The following CSMD2 variants were observed in gnomAD, a reference collection of about 807,000 sequenced individuals.
CSMD2 encodes the protein CUB and Sushi multiple domains 2, also known as CUB and sushi domain-containing protein 2.
Under a neutral mutation model 398.5 loss-of-function variants are expected in CSMD2, and 130 were observed. That is an observed-to-expected ratio of 0.33 (90% confidence interval 0.28 to 0.38). The LOEUF (loss-of-function observed/expected upper bound fraction) is 0.38. CSMD2 is among the 10% of genes least tolerant of loss of function. The pLI is 1.00. For synonymous variants in CSMD2, 1,828 were observed against 1,908.5 expected (o/e 0.96, Z 1.10); for missense variants, 3,829 against 4,764.9 (o/e 0.80, Z 5.78).
chr1:34,069,044 G>A (rs1655426885), intron 2 of CSMD2, among the ~76,000 whole-genome samples: 1 of 152,188 alleles, frequency 6.6e-6, no homozygotes, highest in South Asian at 2.1e-4. Flanking sequence ...GGTTTGACCA[G>A]TTCAGAGGAA....
intron 5 of CSMD2, among the ~76,000 whole-genome samples, chr1:33,878,709 A>ACACCTT (rs1641021318): frequency 6.6e-6 from 1 of 152,206 alleles, no homozygotes; most frequent in South Asian, 2.1e-4. Flanking sequence ...CACCTTAGGG[A>ACACCTT]GGCCTGAGGA....
At chr1:33,855,541 G>A (rs766228844) in intron 5 of CSMD2, among the ~76,000 whole-genome samples, 67 of 152,236 alleles carry the variant, frequency 4.4e-4, no homozygotes, top group Non-Finnish European at 9.0e-4. Flanking sequence ...ACTTTTATAT[G>A]ATGTCCTGAA....
chr1:33,790,801 A>AT (rs138386918), intron 11 of CSMD2, among the ~76,000 whole-genome samples: 1 of 148,448 alleles, frequency 6.7e-6, no homozygotes, highest in Non-Finnish European at 1.5e-5. Context: ...CATCTCTCTA[A>AT]TATCTATCTA....
At chr1:33,897,319 C>T (rs1642456536) in intron 5 of CSMD2, among the ~76,000 whole-genome samples, 1 of 152,182 alleles carries the variant, frequency 6.6e-6, no homozygotes, top group African/African-American at 2.4e-5. Context: ...AGATCTGGAT[C>T]AGACATGAAG....
At chr1:33,795,946 T>G (rs928425053) in intron 10 of CSMD2, among the ~76,000 whole-genome samples, 17 of 152,368 alleles carry the variant, frequency 1.1e-4, no homozygotes, top group Admixed American at 1.3e-4. Context: ...GTTGGCAAAC[T>G]TTTTCTGTAA....
At chr1:34,138,012 A>G (rs1308714673) in intron 1 of CSMD2, among the ~76,000 whole-genome samples, 1 of 152,238 alleles carries the variant, frequency 6.6e-6, no homozygotes, top group African/African-American at 2.4e-5. Flanking sequence ...AGGGGAAACC[A>G]GAATGATAAG....
chr1:33,853,901 T>G (rs567850777), intron 5 of CSMD2, among the ~76,000 whole-genome samples: 4 of 152,352 alleles, frequency 2.6e-5, no homozygotes, highest in African/African-American at 9.6e-5. Flanking sequence ...GGGAACCAGC[T>G]AACCTTAAAA....
chr1:33,669,589 C>T (rs1309780344), intron 25 of CSMD2, among the ~76,000 whole-genome samples: 1 of 152,214 alleles, frequency 6.6e-6, no homozygotes, highest in Non-Finnish European at 1.5e-5. Flanking sequence ...CTTCTCTCTG[C>T]CTGGAAGTTC....
At chr1:34,110,610 C>T (rs1010763181) in intron 1 of CSMD2, among the ~76,000 whole-genome samples, 5 of 151,962 alleles carry the variant, frequency 3.3e-5, no homozygotes, top group African/African-American at 1.2e-4. Context: ...CCTTAGCAAA[C>T]CAACACAGGA....
At chr1:33,546,631 T>C (rs1161993786) in intron 56 of CSMD2, among the ~76,000 whole-genome samples, 2 of 152,184 alleles carry the variant, frequency 1.3e-5, no homozygotes, top group Non-Finnish European at 2.9e-5. Context: ...CCTGAACTCT[T>C]GCAAGAGCCT....
At chr1:33,616,785 G>C in intron 39 of CSMD2, 121 bp downstream of exon 39, 1 of 732,056 alleles carries the variant, frequency 1.4e-6, no homozygotes, top group Non-Finnish European at 2.4e-6. Context: ...GACTGACTTG[G>C]AACAAATCCA....
intron 3 of CSMD2, among the ~76,000 whole-genome samples, chr1:34,006,163 T>C (rs1647047536): frequency 6.6e-6 from 1 of 152,162 alleles, no homozygotes. Context: ...ACTCACTCCA[T>C]CCTGAATCCC....
chr1:34,078,606 G>A (rs1178497593), intron 2 of CSMD2, among the ~76,000 whole-genome samples: 1 of 152,172 alleles, frequency 6.6e-6, no homozygotes, highest in African/African-American at 2.4e-5. Flanking sequence ...GAGGCTCAGA[G>A]AAACCAAACC....
intron 3 of CSMD2, among the ~76,000 whole-genome samples, chr1:33,974,171 C>G (rs1256299122): frequency 6.6e-6 from 1 of 152,204 alleles, no homozygotes; most frequent in Non-Finnish European, 1.5e-5. Flanking sequence ...ATTTCTCTCC[C>G]TTGGCAAACA....
intron 10 of CSMD2, among the ~76,000 whole-genome samples, chr1:33,803,781 C>CT (rs1655896674): frequency 6.6e-6 from 1 of 152,234 alleles, no homozygotes; most frequent in African/African-American, 2.4e-5. Context: ...GTATCCACCT[C>CT]TAAACTTCTC....
At chr1:33,812,632 C>T (rs1013848074) in intron 9 of CSMD2, among the ~76,000 whole-genome samples, 3 of 141,626 alleles carry the variant, frequency 2.1e-5, no homozygotes, top group Admixed American at 7.2e-5. Flanking sequence ...ATTTGCTGGT[C>T]GCTTAAGTCT....
In CSMD2 at chr1:33,624,702, G is replaced by T. The variant is rs559219214; in HGVS notation, c.5501-59C>A. 10 of 1,577,326 alleles carry T rather than the reference G, an allele frequency of 6.3e-6. No individual in the cohort carries two copies. The East Asian group carries it at 2.3e-4, about 36-fold the overall frequency. ...TGGCCTCCCGTGGGAGCCTTCCCAA[G>T]CTGACTCCTCCCTCATGGCCCCCAG... On this transcript the variant is annotated intron_variant, in intron 34 of 70. Coordinates refer to ENST00000373381, the MANE Select transcript of CSMD2 (RefSeq NM_001281956.2). This position sits in a 1 kb window ranked among gnomAD's most constrained non-coding sequence, Gnocchi z 4.7.
At chr1:33,972,446 A>G (rs1183550613) in intron 3 of CSMD2, among the ~76,000 whole-genome samples, 1 of 152,172 alleles carries the variant, frequency 6.6e-6, no homozygotes, top group African/African-American at 2.4e-5. Context: ...ATGGCAAAAG[A>G]GACTACAGAT....
At chr1:33,766,296 G>A (rs2149314755) in intron 13 of CSMD2, among the ~76,000 whole-genome samples, 1 of 152,240 alleles carries the variant, frequency 6.6e-6, no homozygotes, top group Non-Finnish European at 1.5e-5. Context: ...CCTCTTGGAT[G>A]TCTCCTTTTC....
Sources: gnomAD v4.1 joint callset for allele counts (sites outside exome capture counted in the v4.1 genomes callset) on GRCh38, gnomAD v4.1.1 for gene constraint, Gnocchi (gnomAD v3.1) non-coding constraint, MANE v1.5 for transcripts, NCBI Gene and HGNC (gene_info 2026-07-23, HGNC 2026-07-21) for gene names.